The following NEGR1 variants were observed in gnomAD, a reference collection of about 807,000 sequenced individuals.
NEGR1 encodes the protein neuronal growth regulator 1.
NEGR1 carries 10 observed loss-of-function variants against 40.9 expected under a neutral mutation model. That is an observed-to-expected ratio of 0.24 (90% confidence interval 0.15 to 0.42). The LOEUF is 0.42. Ranked by LOEUF, NEGR1 falls within the 10% of genes least tolerant of loss-of-function variation. The probability of loss-of-function intolerance (pLI) is 1.00; values close to 1 mark genes in which losing one functional copy is unlikely to be tolerated. For missense variants in NEGR1, 352 were observed against 438.9 expected (o/e 0.80, Z 1.77); for synonymous variants, 185 against 166.8 (o/e 1.11, Z -0.84).
intron 1 of NEGR1, among the ~76,000 whole-genome samples, chr1:71,940,076 T>C (rs993706935): frequency 6.6e-6 from 1 of 151,796 alleles, no homozygotes; most frequent in Non-Finnish European, 1.5e-5. Flanking sequence ...TAAGGGGGAG[T>C]TCAGTGAAGT....
At chr1:72,274,532 G>A (rs1655970785) in intron 1 of NEGR1, 2 of 704,996 alleles carry the variant, frequency 2.8e-6, no homozygotes, top group Non-Finnish European at 5.2e-6. Flanking sequence ...GTATCCCAAT[G>A]TTTGTTTAAA....
intron 2 of NEGR1, among the ~76,000 whole-genome samples, chr1:71,829,657 A>C (rs1557668625): frequency 4.6e-5 from 7 of 151,722 alleles, no homozygotes; most frequent in Admixed American, 2.6e-4. Context: ...AAAACAAAAC[A>C]AAACCCAAAA....
intron 2 of NEGR1, among the ~76,000 whole-genome samples, chr1:71,875,302 A>C (rs2101837142): frequency 6.6e-6 from 1 of 152,280 alleles, no homozygotes; most frequent in South Asian, 2.1e-4. Context: ...TTCTCTCTGA[A>C]GTGTTTATTT....
intron 1 of NEGR1, among the ~76,000 whole-genome samples, chr1:72,080,077 C>A (rs1320687697): frequency 6.6e-6 from 1 of 151,964 alleles, no homozygotes; most frequent in Admixed American, 6.6e-5. Context: ...AAAGGGCTTC[C>A]TTTTTTTGAC....
At chr1:72,081,462 GT>G (rs1647993352) in intron 1 of NEGR1, among the ~76,000 whole-genome samples, 2 of 152,020 alleles carry the variant, frequency 1.3e-5, no homozygotes, top group South Asian at 4.1e-4. Flanking sequence ...ATGACTTTCA[GT>G]TACAGCTCCC....
At chr1:72,014,277 C>T (rs778443212) in intron 1 of NEGR1, among the ~76,000 whole-genome samples, 2 of 151,954 alleles carry the variant, frequency 1.3e-5, no homozygotes, top group Non-Finnish European at 2.9e-5. Flanking sequence ...TAGAAATTAT[C>T]ATACTCTTCT....
At chr1:72,161,871 A>G (rs539875348) in intron 1 of NEGR1, among the ~76,000 whole-genome samples, 4 of 150,652 alleles carry the variant, frequency 2.7e-5, no homozygotes, top group African/African-American at 9.7e-5. Context: ...TTTGTATTTT[A>G]ATGGAGATGG....
intron 1 of NEGR1, among the ~76,000 whole-genome samples, chr1:72,133,638 C>T (rs188942247): frequency 2.0e-5 from 3 of 151,662 alleles, no homozygotes; most frequent in African/African-American, 7.2e-5. Flanking sequence ...AATAAGTCAA[C>T]TTTTTATAAG....
At chr1:71,930,326 T>C (rs950443523) in intron 2 of NEGR1, among the ~76,000 whole-genome samples, 1 of 152,188 alleles carries the variant, frequency 6.6e-6, no homozygotes, top group African/African-American at 2.4e-5. Context: ...ATCAGAGTAC[T>C]GAGAAAAGTA....
At chr1:72,158,181 G>C (rs1651430766) in intron 1 of NEGR1, among the ~76,000 whole-genome samples, 1 of 152,166 alleles carries the variant, frequency 6.6e-6, no homozygotes, top group Non-Finnish European at 1.5e-5. Context: ...GTGGTACGCT[G>C]TCACTTGTGA....
In NEGR1 at chr1:71,740,463, A is replaced by C. The variant is rs140376072; in HGVS notation, c.535+35709T>G. ...AAGTTCACCTGAAAAATATGAAGCT[A>C]AATTTTCCTAACGAGACACTATCCA... On this transcript the variant is annotated intron_variant, in intron 3 of 6. Transcript: ENST00000357731. Among the ~76,000 whole-genome samples, 223 of 152,260 alleles carry C rather than the reference A, an allele frequency of 1.5e-3. 3 individuals are homozygous for C. Among genetic ancestry groups the C allele is most frequent in the Admixed American group, 0.012 (178 of 15,288 alleles).
At chr1:71,620,921 TAGAC>T (rs1430455261) in intron 4 of NEGR1, among the ~76,000 whole-genome samples, 1 of 151,910 alleles carries the variant, frequency 6.6e-6, no homozygotes, top group Non-Finnish European at 1.5e-5. Flanking sequence ...ACCTGTAAAA[TAGAC>T]AGTACTTACT....
At chr1:72,279,151 G>C (rs1287361429) in intron 1 of NEGR1, among the ~76,000 whole-genome samples, 1 of 152,034 alleles carries the variant, frequency 6.6e-6, no homozygotes, top group Non-Finnish European at 1.5e-5. Context: ...CATAAATCCT[G>C]TATTTAAGCT....
At chr1:72,061,900 T>A (rs1404981294) in intron 1 of NEGR1, among the ~76,000 whole-genome samples, 3 of 151,766 alleles carry the variant, frequency 2.0e-5, no homozygotes, top group Non-Finnish European at 2.9e-5. Context: ...TTTATGATTT[T>A]TATAATGGGC....
At chr1:71,986,540 T>G (rs953084092) in intron 1 of NEGR1, among the ~76,000 whole-genome samples, 2 of 152,196 alleles carry the variant, frequency 1.3e-5, no homozygotes, top group Admixed American at 6.5e-5. Flanking sequence ...CTCTCCCTTT[T>G]TCTGCCTTCC....
At chr1:72,172,064 C>G (rs1404749756) in intron 1 of NEGR1, among the ~76,000 whole-genome samples, 1 of 152,062 alleles carries the variant, frequency 6.6e-6, no homozygotes, top group Non-Finnish European at 1.5e-5. Flanking sequence ...TGGCTTGGAA[C>G]TAAACATTTT....
chr1:72,146,244 C>T (rs1650904516), intron 1 of NEGR1, among the ~76,000 whole-genome samples: 1 of 152,152 alleles, frequency 6.6e-6, no homozygotes, highest in South Asian at 2.1e-4. Context: ...TAATTAAACA[C>T]AACATCTTAA....
chr1:71,977,500 G>C (rs773793278), intron 1 of NEGR1, among the ~76,000 whole-genome samples: 1 of 152,014 alleles, frequency 6.6e-6, no homozygotes. Flanking sequence ...TGGTCAACGA[G>C]TGTATCTCAA....
intron 2 of NEGR1, among the ~76,000 whole-genome samples, chr1:71,817,819 G>A (rs1028883134): frequency 1.3e-5 from 2 of 152,024 alleles, no homozygotes; most frequent in Admixed American, 1.3e-4. Context: ...GCTAAGCACT[G>A]CTGGTGTTCT....
Sources: gnomAD v4.1 joint callset for allele counts (sites outside exome capture counted in the v4.1 genomes callset) on GRCh38, gnomAD v4.1.1 for gene constraint, MANE v1.5 for transcripts, NCBI Gene and HGNC (gene_info 2026-07-23, HGNC 2026-07-21) for gene names.